PIK3C2G: variants seen among roughly 807,000 people sequenced by gnomAD.
PIK3C2G encodes phosphatidylinositol 3-kinase C2 domain-containing subunit gamma.
Under a neutral mutation model 181.1 loss-of-function variants are expected in PIK3C2G, and 168 were observed. That is an observed-to-expected ratio of 0.93 (90% CI 0.82 to 1.05). The LOEUF (loss-of-function observed/expected upper bound fraction) is 1.05. PIK3C2G is among the 50% of genes least tolerant of loss of function. The pLI, the probability that PIK3C2G is intolerant of heterozygous loss-of-function variation, is 0.00. For synonymous variants in PIK3C2G, 573 were observed against 592.2 expected (o/e 0.97, Z 0.47); for missense variants, 1,869 against 1,732.8 (o/e 1.08, Z -1.40).
At position 18,350,834 on chromosome 12, in the gene PIK3C2G, A is replaced by G. The variant is rs968900416; in HGVS notation, c.1625+3998A>G. On this transcript the variant is annotated intron_variant, in intron 11 of 32. Transcript: ENST00000538779. ...ACCAGAAAGATGCAACAAAGTAATA[A>G]CATTGACAGAAATCCGAAGAGTTTG... 2.6e-5 allele frequency among the ~76,000 whole-genome samples: 4 copies of G among 152,206 alleles called. No individual in the cohort carries two copies. In the East Asian group the frequency reaches 7.7e-4, roughly 29 times the overall value.
intron 26 of PIK3C2G, among the ~76,000 whole-genome samples, chr12:18,553,460 A>G (rs11044179): frequency 6.6e-6 from 1 of 152,056 alleles, no homozygotes; most frequent in African/African-American, 2.4e-5. Context: ...CTAAAAAGGT[A>G]AAAGAATGAT....
At chr12:18,345,482 A>G (rs1362931081) in intron 10 of PIK3C2G, among the ~76,000 whole-genome samples, 2 of 152,222 alleles carry the variant, frequency 1.3e-5, no homozygotes, top group East Asian at 3.9e-4. Flanking sequence ...GTGTTAAACA[A>G]CAACAAAAAT....
At chr12:18,704,945 AATGTGGGTTGT>A in the PIK3C2G span, among the ~76,000 whole-genome samples, 1 of 152,110 alleles carries the variant, frequency 6.6e-6, no homozygotes, top group Non-Finnish European at 1.5e-5. Context: ...ACACAATCAA[AATGTGGGTTGT>A]ATGTATATAT....
chr12:18,570,245 G>A (rs534666464), intron 29 of PIK3C2G, among the ~76,000 whole-genome samples: 20 of 149,036 alleles, frequency 1.3e-4, no homozygotes, highest in South Asian at 1.3e-3. Context: ...AGTTTTGCTC[G>A]TCACCCACGC....
At chr12:18,340,614 C>T (rs1436901455) in intron 9 of PIK3C2G, among the ~76,000 whole-genome samples, 1 of 152,126 alleles carries the variant, frequency 6.6e-6, no homozygotes, top group African/African-American at 2.4e-5. Context: ...GCTCCAAGAG[C>T]TGATAAAATA....
the PIK3C2G span, among the ~76,000 whole-genome samples, chr12:18,682,794 A>C: frequency 3.3e-5 from 5 of 152,046 alleles, no homozygotes; most frequent in African/African-American, 1.2e-4. Flanking sequence ...CCAGGATATG[A>C]AAAGGCTCAG....
intron 32 of PIK3C2G, among the ~76,000 whole-genome samples, chr12:18,640,916 C>G (rs1277663694): frequency 1.3e-5 from 2 of 152,074 alleles, no homozygotes; most frequent in Non-Finnish European, 2.9e-5. Flanking sequence ...TTGGGTATAA[C>G]AGTAAATCTC....
the PIK3C2G span, among the ~76,000 whole-genome samples, chr12:18,673,318 T>G: frequency 1.3e-5 from 2 of 152,140 alleles, no homozygotes; most frequent in African/African-American, 4.8e-5. Context: ...GTATATAAGT[T>G]ATTGAAATGA....
intron 14 of PIK3C2G, among the ~76,000 whole-genome samples, chr12:18,385,601 C>T (rs768715541): frequency 6.6e-6 from 1 of 152,088 alleles, no homozygotes; most frequent in East Asian, 1.9e-4. Context: ...TGAATTCTCA[C>T]TCTGTCGCCC....
intron 1 of PIK3C2G, among the ~76,000 whole-genome samples, 198 bp downstream of exon 1, chr12:18,261,775 A>G (rs572005252): frequency 3.9e-4 from 59 of 152,118 alleles, no homozygotes; most frequent in Non-Finnish European, 8.1e-4. Flanking sequence ...AAAATCTACA[A>G]CCAGAAGATA....
At chr12:18,350,564 C>T (rs1940128547) in intron 11 of PIK3C2G, among the ~76,000 whole-genome samples, 1 of 152,116 alleles carries the variant, frequency 6.6e-6, no homozygotes, top group Admixed American at 6.6e-5. Flanking sequence ...TGTCCCATAA[C>T]CTTTGCCATT....
Position 18,644,130 on chromosome 12 carries a change from A to G in PIK3C2G, c.4308+3576A>G, listed in dbSNP as rs116063639. ...ATACTAAGGCTTTGATGCAGGGCCA[A>G]GCTTGTCTATTTGACACTTCGCAGA... On this transcript the variant is annotated intron_variant, in intron 32 of 32. Coordinates refer to ENST00000538779, the MANE Select transcript of PIK3C2G (RefSeq NM_001288772.2). Among the ~76,000 whole-genome samples the G allele has an allele frequency of 3.5e-3, 531 of 152,224 alleles. 2 individuals carry two copies. The highest frequency in any genetic ancestry group is 0.012 in the African/African-American group (508 of 41,538).
At chr12:18,422,085 G>T (rs1945518810) in intron 17 of PIK3C2G, among the ~76,000 whole-genome samples, 1 of 152,064 alleles carries the variant, frequency 6.6e-6, no homozygotes, top group African/African-American at 2.4e-5. Flanking sequence ...TTTCACAAAA[G>T]TCTGTAGACA....
At chr12:18,523,181 T>C (rs1943025867) in intron 24 of PIK3C2G, among the ~76,000 whole-genome samples, 2 of 152,236 alleles carry the variant, frequency 1.3e-5, no homozygotes, top group Non-Finnish European at 2.9e-5. Flanking sequence ...TTTTAGTGCC[T>C]TGAACTGCTT....
At chr12:18,599,960 C>T (rs905635385) in intron 30 of PIK3C2G, among the ~76,000 whole-genome samples, 3 of 151,770 alleles carry the variant, frequency 2.0e-5, no homozygotes, top group Non-Finnish European at 4.4e-5. Context: ...TTATTGAACA[C>T]ACAAGAAGAA....
At chr12:18,564,385 C>T (rs997145763) in intron 28 of PIK3C2G, among the ~76,000 whole-genome samples, 2 of 150,632 alleles carry the variant, frequency 1.3e-5, no homozygotes, top group East Asian at 1.9e-4. Flanking sequence ...AGTAAATGGT[C>T]CTTTTATGAT....
intron 26 of PIK3C2G, among the ~76,000 whole-genome samples, chr12:18,559,618 C>CA (rs34249142): frequency 0.16 from 23,009 of 145,714 alleles, 2,046 homozygotes; most frequent in South Asian, 0.26. Context: ...GGCTTTCTTC[C>CA]AAAAAAAAAG....
At chr12:18,459,804 C>T (rs527429644) in intron 18 of PIK3C2G, among the ~76,000 whole-genome samples, 2 of 152,278 alleles carry the variant, frequency 1.3e-5, no homozygotes, top group South Asian at 4.1e-4. Flanking sequence ...CTGTGTCATC[C>T]AAACTGGAGT....
At chr12:18,500,037 A>T (rs1941305745) in intron 22 of PIK3C2G, among the ~76,000 whole-genome samples, 1 of 152,176 alleles carries the variant, frequency 6.6e-6, no homozygotes, top group Admixed American at 6.5e-5. Flanking sequence ...CTGGGCTCCC[A>T]CTTTGGCGGC....
Sources: allele counts gnomAD v4.1 joint callset (sites outside exome capture counted in the v4.1 genomes callset), GRCh38; gene constraint gnomAD v4.1.1; transcripts MANE v1.5; gene names NCBI Gene and HGNC (gene_info 2026-07-23, HGNC 2026-07-21).